Variants in ROBO2 observed in about 807,000 individuals in gnomAD.
The protein encoded by ROBO2 is roundabout guidance receptor 2.
In ROBO2, 53 loss-of-function variants were observed where a neutral mutation model predicts 160.8. The observed-to-expected ratio is 0.33, with a 90% confidence interval of 0.26 to 0.41. ROBO2 has a LOEUF of 0.41. ROBO2 is among the 10% of genes least tolerant of loss of function. The probability of loss-of-function intolerance (pLI) is 1.00; values close to 1 mark genes in which losing one functional copy is unlikely to be tolerated. For synonymous variants in ROBO2, 664 were observed against 611.7 expected, an observed-to-expected ratio of 1.09 and a Z score of -1.26; for missense variants, 1,577 against 1,722.4, an observed-to-expected ratio of 0.92 and a Z score of 1.49.
chr3:77,338,887 G>A (rs367598218), intron 2 of ROBO2, among the ~76,000 whole-genome samples: 13 of 151,972 alleles, frequency 8.6e-5, no homozygotes, highest in East Asian at 1.9e-4. Context: ...GAATAGTAAC[G>A]CCAGTGTATT....
intron 2 of ROBO2, among the ~76,000 whole-genome samples, chr3:77,032,513 C>T (rs972276748): frequency 6.6e-6 from 1 of 151,874 alleles, no homozygotes; most frequent in African/African-American, 2.4e-5. Flanking sequence ...AGTTTAATGT[C>T]CTGAGAAGAA....
intron 2 of ROBO2, among the ~76,000 whole-genome samples, chr3:76,306,406 T>C (rs188690623): frequency 1.3e-5 from 2 of 152,138 alleles, no homozygotes; most frequent in Admixed American, 1.3e-4. Flanking sequence ...AAAAATTATA[T>C]CCTTATTAAG....
chr3:76,618,884 AC>A (rs1429522157), intron 2 of ROBO2, among the ~76,000 whole-genome samples: 2 of 151,862 alleles, frequency 1.3e-5, no homozygotes, highest in Non-Finnish European at 2.9e-5. Flanking sequence ...AGGAGAGCCC[AC>A]AAGAAAAACT....
intron 2 of ROBO2, among the ~76,000 whole-genome samples, chr3:76,162,844 CTT>C (rs528979908): frequency 5.3e-5 from 8 of 151,998 alleles, no homozygotes; most frequent in Non-Finnish European, 1.2e-4. Flanking sequence ...ATTATATTGA[CTT>C]AAAATATTTT....
intron 2 of ROBO2, among the ~76,000 whole-genome samples, chr3:77,234,306 C>G (rs1208290222): frequency 6.6e-6 from 1 of 152,096 alleles, no homozygotes; most frequent in Non-Finnish European, 1.5e-5. Context: ...CTCAAGAACC[C>G]CTAGGGTTGT....
At chr3:76,393,516 T>C (rs528749393) in intron 2 of ROBO2, among the ~76,000 whole-genome samples, 2 of 152,316 alleles carry the variant, frequency 1.3e-5, no homozygotes, top group South Asian at 4.1e-4. Flanking sequence ...CTTGTTTGTT[T>C]TTATAAACTT....
intron 6 of ROBO2, among the ~76,000 whole-genome samples, chr3:77,541,143 C>A (rs994148884): frequency 2.0e-5 from 3 of 152,318 alleles, no homozygotes; most frequent in African/African-American, 7.2e-5. Flanking sequence ...AAAAGAGTGG[C>A]TGAGCATGAC....
At chr3:76,187,209 A>T (rs1346800417) in intron 2 of ROBO2, among the ~76,000 whole-genome samples, 1 of 152,078 alleles carries the variant, frequency 6.6e-6, no homozygotes. Flanking sequence ...TCACCTGAGT[A>T]TTTCACATAT....
chr3:76,047,580 C>T (rs1029346020), intron 2 of ROBO2, among the ~76,000 whole-genome samples: 2 of 152,178 alleles, frequency 1.3e-5, no homozygotes, highest in African/African-American at 4.8e-5. Context: ...CACAATCCTT[C>T]TGGGATTTCT....
chr3:77,603,808 A>G (rs2094475581), intron 20 of ROBO2: 1 of 152,148 alleles, frequency 6.6e-6, no homozygotes, highest in African/African-American at 2.4e-5. Context: ...ACACACTCTA[A>G]CTTTCAACCA....
chr3:75,988,216 T>C (rs1425709052), intron 2 of ROBO2, among the ~76,000 whole-genome samples: 1 of 152,146 alleles, frequency 6.6e-6, no homozygotes, highest in African/African-American at 2.4e-5. Context: ...TAACTAATTA[T>C]AGATCTATTC....
chr3:75,947,067 A>G (rs1445393037), intron 2 of ROBO2, among the ~76,000 whole-genome samples: 1 of 152,124 alleles, frequency 6.6e-6, no homozygotes, highest in African/African-American at 2.4e-5. Flanking sequence ...GAATTTACTG[A>G]GCAAGAATTA....
intron 2 of ROBO2, among the ~76,000 whole-genome samples, chr3:76,048,022 A>G (rs961866162): frequency 6.6e-6 from 1 of 152,188 alleles, no homozygotes; most frequent in East Asian, 1.9e-4. Flanking sequence ...CTGAATAACA[A>G]TAGCTTTATT....
At chr3:76,909,996 T>G (rs894472786) in intron 2 of ROBO2, among the ~76,000 whole-genome samples, 1 of 152,220 alleles carries the variant, frequency 6.6e-6, no homozygotes, top group Non-Finnish European at 1.5e-5. Context: ...ATTTCATTTC[T>G]TTCCACTATT....
In ROBO2 at chr3:76,349,100, G is replaced by A. The variant is rs2074715326; in HGVS notation, c.109+411498G>A. 1.3e-5 allele frequency among the ~76,000 whole-genome samples: 2 copies of A among 152,024 alleles called. 1 individual carries two copies. Among genetic ancestry groups the A allele is most frequent in the South Asian group, 4.1e-4 (2 of 4,828 alleles). Reference sequence around the variant, plus strand: ...GTTCCATTTGTAAGGGGCAGAGCAAGGATTTAAACTCTGCATAAGTGTCTA... The same window carrying A: ...GTTCCATTTGTAAGGGGCAGAGCAAAGATTTAAACTCTGCATAAGTGTCTA... On this transcript the variant is annotated intron_variant, in intron 2 of 26. Transcript: ENST00000487694.
At chr3:76,079,252 G>A (rs923941247) in intron 2 of ROBO2, among the ~76,000 whole-genome samples, 1 of 152,076 alleles carries the variant, frequency 6.6e-6, no homozygotes, top group Non-Finnish European at 1.5e-5. Flanking sequence ...GTAACCATAG[G>A]TAACAATCAT....
intron 13 of ROBO2, among the ~76,000 whole-genome samples, chr3:77,571,479 G>A (rs2093634907): frequency 1.3e-5 from 2 of 152,098 alleles, no homozygotes; most frequent in Admixed American, 6.6e-5. Flanking sequence ...GTGCCCTTGA[G>A]ATATGGGTAT....
chr3:77,040,977 C>G (rs902960009), intron 1 of ROBO2, 131 bp downstream of exon 1: 1 of 1,205,140 alleles, frequency 8.3e-7, no homozygotes, highest in Admixed American at 1.9e-5. Context: ...TGGCCCGGCA[C>G]GGGCTCCTTG....
Position 76,777,248 on chromosome 3 carries a change from T to G in ROBO2, c.110-320766T>G, listed in dbSNP as rs372643573. Reference sequence around the variant, plus strand: ...TACATACTTAACAAAAGACATGGGTTGATTGCACAAAGGAGTTGAACACTC... The same window carrying G: ...TACATACTTAACAAAAGACATGGGTGGATTGCACAAAGGAGTTGAACACTC... On this transcript the variant is annotated intron_variant, in intron 2 of 26. Coordinates refer to the ROBO2 transcript ENST00000487694. Among the ~76,000 whole-genome samples the G allele has an allele frequency of 8.2e-4, 124 of 151,250 alleles. 2 individuals are homozygous for G. The South Asian group carries it at 0.025, about 30-fold the overall frequency.
Sources: gnomAD v4.1 joint callset for allele counts (sites outside exome capture counted in the v4.1 genomes callset) on GRCh38, gnomAD v4.1.1 for gene constraint, MANE v1.5 for transcripts, NCBI Gene and HGNC (gene_info 2026-07-23, HGNC 2026-07-21) for gene names.